Variants in CAPG observed in about 807,000 individuals in gnomAD.
The protein encoded by CAPG is capping actin protein, gelsolin like.
Under a neutral mutation model 44.6 loss-of-function variants are expected in CAPG, and 32 were observed. The ratio of observed to expected loss-of-function variants is 0.72; its 90% CI spans 0.54 to 0.96. CAPG has a LOEUF of 0.96. CAPG is among the 50% of genes least tolerant of loss of function. The pLI, the probability that CAPG is intolerant of heterozygous loss-of-function variation, is 0.00. For missense variants in CAPG, 412 were observed against 438.3 expected (o/e 0.94, Z 0.54); for synonymous variants, 175 against 179.6 (o/e 0.97, Z 0.20).
intron 1 of CAPG, 119 bp from the exon 2 acceptor site, chr2:85,402,277 C>G (rs1686940528): frequency 4.1e-6 from 3 of 727,692 alleles, no homozygotes; most frequent in Admixed American, 4.8e-5. Context: ...TACTCCACCT[C>G]TAGGAGCCCT....
downstream of CAPG, among the ~76,000 whole-genome samples, chr2:85,394,026 C>T (rs1190817679): frequency 2.0e-5 from 3 of 152,188 alleles, no homozygotes; most frequent in Non-Finnish European, 2.9e-5. Context: ...GCAGCCTTGC[C>T]AGGCCTCACG....
At chr2:85,407,407 G>A (rs979652391) in intron 1 of CAPG, among the ~76,000 whole-genome samples, 1 of 151,958 alleles carries the variant, frequency 6.6e-6, no homozygotes, top group Admixed American at 6.6e-5. Flanking sequence ...AATCATTTGG[G>A]GGCTTTTGAA....
At chr2:85,405,722 T>C (rs1030806971) in intron 1 of CAPG, among the ~76,000 whole-genome samples, 4 of 152,182 alleles carry the variant, frequency 2.6e-5, no homozygotes, top group African/African-American at 9.7e-5. Context: ...GGCACCACGA[T>C]TCCGGAAGAG....
downstream of CAPG, among the ~76,000 whole-genome samples, chr2:85,393,259 C>A (rs954638164): frequency 6.6e-6 from 1 of 152,060 alleles, no homozygotes; most frequent in Non-Finnish European, 1.5e-5. Context: ...TGGTCTCAAA[C>A]CCCAGAGCTT....
chr2:85,394,942 T>C lies in CAPG; in HGVS notation c.998A>G (p.Gln333Arg). 6.2e-7 allele frequency: 1 copy of C among 1,612,606 alleles called. No individual in the cohort carries two copies. Among genetic ancestry groups the C allele is most frequent in the Non-Finnish European group, 8.5e-7 (1 of 1,178,624 alleles). Residue 333 changes from glutamine to arginine, a missense_variant, in exon 10 of 10, where the codon CAG becomes CGG. Gln to Arg is a conservative substitution (Grantham distance 43). Coordinates refer to ENST00000263867, the MANE Select transcript of CAPG (RefSeq NM_001747.4). ...CTTGAAGATGGGACTCTCATGGCCCTGAGGCAGAATCTCCACCTGCAGGGA... is the reference window on the plus strand; with the variant it reads ...CTTGAAGATGGGACTCTCATGGCCCCGAGGCAGAATCTCCACCTGCAGGGA... ...APNTQVEILP[Q>R]GHESPIFKQF...
At chr2:85,403,809 C>T (rs868839351) in intron 1 of CAPG, among the ~76,000 whole-genome samples, 8 of 148,854 alleles carry the variant, frequency 5.4e-5, no homozygotes, top group Admixed American at 2.7e-4. Flanking sequence ...ATTGCTTGAA[C>T]CCAAGAGGCA....
downstream of CAPG, among the ~76,000 whole-genome samples, chr2:85,392,251 G>A (rs1450894650): frequency 7.9e-5 from 12 of 152,306 alleles, no homozygotes; most frequent in African/African-American, 2.6e-4. Flanking sequence ...TTAGCCGGGC[G>A]TGGTGGCGGA....
At chr2:85,418,118 T>C (rs963990980) in intron 1 of CAPG, 1 of 152,102 alleles carries the variant, frequency 6.6e-6, no homozygotes, top group African/African-American at 2.4e-5. Flanking sequence ...CTGTTCATTA[T>C]TTTGCACACT....
At chr2:85,406,380 T>TA (rs1687155102) in intron 1 of CAPG, among the ~76,000 whole-genome samples, 1 of 152,182 alleles carries the variant, frequency 6.6e-6, no homozygotes, top group African/African-American at 2.4e-5. Flanking sequence ...AACCACCCCG[T>TA]AGGCCCATCT....
At chr2:85,412,823 T>C (rs1687454258), upstream of CAPG, among the ~76,000 whole-genome samples, 1 of 152,196 alleles carries the variant, frequency 6.6e-6, no homozygotes, top group Non-Finnish European at 1.5e-5. Flanking sequence ...GGCTCCTTAC[T>C]AGCTGTGCAA....
At chr2:85,401,433 A>G (rs2002444) in intron 4 of CAPG, 96 bp downstream of exon 4, 204,094 of 1,574,958 alleles carry the variant, frequency 0.13, 14,178 homozygotes, top group Non-Finnish European at 0.15. Flanking sequence ...CCGGCTCCAA[A>G]GGCACCCGGG....
chr2:85,416,509 T>TC (rs1279447288), intron 1 of CAPG, among the ~76,000 whole-genome samples: 2 of 151,832 alleles, frequency 1.3e-5, no homozygotes, highest in Non-Finnish European at 2.9e-5. Flanking sequence ...CCCCAAATAT[T>TC]CCTTTTTTTT....
intron 1 of CAPG, among the ~76,000 whole-genome samples, chr2:85,406,056 C>T (rs139137335): frequency 1.1e-3 from 163 of 152,248 alleles, no homozygotes; most frequent in African/African-American, 3.8e-3. Context: ...AATCCTAGCA[C>T]TTTGGGAGGC....
At chr2:85,405,575 CAG>C (rs1687106289) in intron 1 of CAPG, among the ~76,000 whole-genome samples, 1 of 152,098 alleles carries the variant, frequency 6.6e-6, no homozygotes, top group Non-Finnish European at 1.5e-5. Flanking sequence ...AGGCAGATGA[CAG>C]AGCAGAAGGT....
At position 85,401,861 on chromosome 2, in the gene CAPG, G is replaced by A. The variant is rs1350001959; in HGVS notation, c.120C>T (p.Gly40=). The change falls in exon 3 of 10, where the codon GGC becomes GGT. Residue 40 remains glycine, a synonymous_variant. Coordinates refer to ENST00000263867, the MANE Select transcript of CAPG (RefSeq NM_001747.4). ...KPVPVAQENQ[G]VFFSGDSYLV... ...GGTAGGAGTCCCCCGAGAAGAAGAC[G>A]CCCTGGTTCTCTTGCGCCACAGGCA... 5 of 1,614,082 alleles carry A rather than the reference G, an allele frequency of 3.1e-6. No individual in the cohort carries two copies. Among genetic ancestry groups the A allele is most frequent in the South Asian group, 2.2e-5 (2 of 91,078 alleles).
chr2:85,398,261 GC>G, intron 7 of CAPG, 109 bp from the exon 8 acceptor site: 1 of 1,274,280 alleles, frequency 7.8e-7, no homozygotes, highest in Non-Finnish European at 1.1e-6. Context: ...GTGCCTCGCT[GC>G]CCACTGCCCA....
chr2:85,410,057 G>A (rs1687350994), intron 1 of CAPG, among the ~76,000 whole-genome samples: 1 of 152,226 alleles, frequency 6.6e-6, no homozygotes, highest in Non-Finnish European at 1.5e-5. Flanking sequence ...TGCAGCATGG[G>A]CACAGCCCAC....
At chr2:85,394,538 CG>C (rs1259883489), downstream of CAPG, among the ~76,000 whole-genome samples, 11 of 152,356 alleles carry the variant, frequency 7.2e-5, 1 homozygote, top group African/African-American at 2.6e-4. Context: ...ACTGAACACC[CG>C]GATGCAACTG....
intron 6 of CAPG, 21 bp from the exon 7 acceptor site, chr2:85,398,803 C>T: frequency 6.4e-7 from 1 of 1,566,502 alleles, no homozygotes. Flanking sequence ...CAGGGCAGGC[C>T]AGGTTTATAG....
Sources: gnomAD v4.1 joint callset for allele counts (sites outside exome capture counted in the v4.1 genomes callset) on GRCh38, gnomAD v4.1.1 for gene constraint, MANE v1.5 for transcripts, NCBI Gene and HGNC (gene_info 2026-07-23, HGNC 2026-07-21) for gene names.